Variants in NLRP1 observed in about 807,000 individuals in gnomAD.
NLRP1 encodes NACHT, LRR and PYD domains-containing protein 1.
A neutral mutation model predicts 136.7 loss-of-function variants in NLRP1; 94 were observed. The observed-to-expected ratio is 0.69, with a 90% CI of 0.58 to 0.82. NLRP1 has a LOEUF of 0.82. Among genes scored for constraint, NLRP1 ranks in the 40% least tolerant of loss-of-function variants. The pLI, the probability that NLRP1 is intolerant of heterozygous loss-of-function variation, is 0.00. For synonymous variants in NLRP1, 690 were observed against 725.1 expected, an observed-to-expected ratio of 0.95 and a Z score of 0.78; for missense variants, 1,575 against 1,802.7, an observed-to-expected ratio of 0.87 and a Z score of 2.29.
chr17:5,517,840 C>T lies in NLRP1; in HGVS notation c.3963G>A (p.Ser1321=), dbSNP rs776467398. Residue 1321 remains serine (S), a synonymous_variant, in exon 15 of 17, where the codon TCG becomes TCA. Transcript: ENST00000572272. ...YRSPGEDQLF[S]EFYVGHLGSG... The stretch of plus-strand genomic sequence containing the variant: ...ATCCCAAGTGGCCAACGTAGAACTC[C>T]GAGAACAGCTGGTCTTCTCCAGGGC... The T allele has an allele frequency of 5.0e-6, 8 of 1,614,046 alleles. No individual in the cohort carries two copies. In the South Asian group the frequency reaches 5.5e-5, roughly 11 times the overall value.
At chr17:5,565,067 T>C (rs763546453) in intron 3 of NLRP1, among the ~76,000 whole-genome samples, 5 of 152,198 alleles carry the variant, frequency 3.3e-5, no homozygotes, top group Non-Finnish European at 7.3e-5. Context: ...AACTCCAAAC[T>C]GTTCTCCATA....
At chr17:5,517,964 C>A in intron 14 of NLRP1, 77 bp from the exon 15 acceptor site, 1 of 1,438,464 alleles carries the variant, frequency 7.0e-7, no homozygotes, top group South Asian at 1.2e-5. Context: ...ACCTTCTTGG[C>A]CCTGCTTGGC....
At chr17:5,532,108 G>T (rs1227038466) in intron 11 of NLRP1, among the ~76,000 whole-genome samples, 1 of 152,142 alleles carries the variant, frequency 6.6e-6, no homozygotes, top group Non-Finnish European at 1.5e-5. Flanking sequence ...TTTTTCACAC[G>T]TGGTGGCATG....
chr17:5,524,000 C>T (rs1297867582), intron 12 of NLRP1, among the ~76,000 whole-genome samples: 1 of 152,142 alleles, frequency 6.6e-6, no homozygotes, highest in Non-Finnish European at 1.5e-5. Flanking sequence ...CTTGGCTCAC[C>T]ACAGCCTCCG....
At chr17:5,580,864 T>C (rs1445598685) in intron 3 of NLRP1, among the ~76,000 whole-genome samples, 2 of 152,206 alleles carry the variant, frequency 1.3e-5, no homozygotes, top group African/African-American at 4.8e-5. Context: ...TTCTTGACTT[T>C]CTGTTTTCCT....
chr17:5,554,210 G>A lies in NLRP1; in HGVS notation c.2358-654C>T, dbSNP rs80296371. 8.0e-3 allele frequency among the ~76,000 whole-genome samples: 1,215 copies of A among 152,302 alleles called. 16 individuals are homozygous for A. Among genetic ancestry groups the A allele is most frequent in the African/African-American group, 0.028 (1,170 of 41,548 alleles). Reference sequence around the variant, plus strand: ...GAGGGTCTGCAGGAGAGGGATGGCTGTGGGGAGTGCCCTAGGAGAGAATAT... The same window carrying A: ...GAGGGTCTGCAGGAGAGGGATGGCTATGGGGAGTGCCCTAGGAGAGAATAT... On this transcript the variant is annotated intron_variant, in intron 4 of 16. Coordinates refer to ENST00000572272, the MANE Select transcript of NLRP1 (RefSeq NM_033004.4).
Position 5,533,984 on chromosome 17 carries a change from G to C in NLRP1, c.2965C>G (p.Pro989Ala). 1.9e-6 allele frequency: 3 copies of C among 1,606,074 alleles called. No individual in the cohort carries two copies. Among genetic ancestry groups the C allele is most frequent in the Non-Finnish European group, 2.6e-6 (3 of 1,172,752 alleles). The change falls in exon 9 of 17, where the codon CCA becomes GCA. Residue 989 changes from proline (P) to alanine (A), a missense_variant. Coordinates refer to ENST00000572272, the MANE Select transcript of NLRP1 (RefSeq NM_033004.4). ...CCCTCAGTAGGGGTCATCACACTTG[G>C]TTTCCTGGACAAAGAATTGTTCATT... ...PQLLIFSRRK[P>A]SVMTPTEGLD...
rs78426041 is a variant in NLRP1 at position 5,522,615 on chromosome 17, C to T, written c.3521-829G>A. Among the ~76,000 whole-genome samples the T allele has an allele frequency of 6.6e-3, 1,008 of 152,306 alleles. 10 individuals are homozygous for T. The highest frequency in any genetic ancestry group is 0.023 in the African/African-American group (970 of 41,556). ...CATGGGGAAGAGGGCATTTCTAGGC[C>T]TGGGGCCTTTGGAGGCTGTGGGAAA... On this transcript the variant is annotated intron_variant, in intron 12 of 16. Transcript: ENST00000572272.
chr17:5,529,669 T>C (rs1021520294), intron 12 of NLRP1, among the ~76,000 whole-genome samples: 4 of 152,118 alleles, frequency 2.6e-5, no homozygotes, highest in African/African-American at 9.7e-5. Flanking sequence ...CCCGGCCTTG[T>C]TTTTTCATTT....
rs538659012 is a variant in NLRP1 at position 5,506,810 on chromosome 17, G to C, written c.4070-4938C>G. ...CCAGCTACTTGGGAGGCTGAGGCAG[G>C]AGAATGGCTTGAGCCCGGGTGGTGG... On this transcript the variant is annotated intron_variant, in intron 15 of 15. Coordinates refer to the NLRP1 transcript ENST00000262467. 9.3e-4 allele frequency among the ~76,000 whole-genome samples: 140 copies of C among 150,876 alleles called. 1 individual carries two copies. Among genetic ancestry groups the C allele is most frequent in the Middle Eastern group, 3.4e-3 (1 of 294 alleles).
chr17:5,573,977 G>A (rs1904720624), intron 3 of NLRP1, among the ~76,000 whole-genome samples: 1 of 152,210 alleles, frequency 6.6e-6, no homozygotes, highest in Admixed American at 6.5e-5. Flanking sequence ...GATGAGTTGA[G>A]AGAAGAAGGC....
chr17:5,554,606 G>A (rs1439515005), intron 4 of NLRP1, among the ~76,000 whole-genome samples: 1 of 152,186 alleles, frequency 6.6e-6, no homozygotes, highest in Non-Finnish European at 1.5e-5. Flanking sequence ...TGCAAAAAGA[G>A]GACAGCAATA....
Position 5,515,054 on chromosome 17 carries a change from A to G in NLRP1, c.4122T>C (p.Asp1374=), listed in dbSNP as rs199776702. The G allele has an allele frequency of 6.3e-5, 102 of 1,614,066 alleles. 1 individual carries two copies. Among genetic ancestry groups the G allele is most frequent in the Non-Finnish European group, 6.8e-6 (8 of 1,179,978 alleles). ...PARIAVPSPL[D]APQLLHFVDQ... ...CCACAAAGTGCAGCAACTGCGGGGC[A>G]TCCAGAGGTGAAGGTACGGCTGGCA... is the stretch of plus-strand genomic sequence containing the variant. Residue 1374 remains aspartate (D), a synonymous_variant, in exon 17 of 17, where the codon GAT becomes GAC. Coordinates refer to ENST00000572272, the MANE Select transcript of NLRP1 (RefSeq NM_033004.4).
chr17:5,509,705 A>G (rs191683827), downstream of NLRP1, among the ~76,000 whole-genome samples: 1 of 152,280 alleles, frequency 6.6e-6, no homozygotes, highest in Admixed American at 6.5e-5. Flanking sequence ...GGGTTTTGCT[A>G]TGTTGGCCAG....
At position 5,539,471 on chromosome 17, in the gene NLRP1, G is replaced by A. The variant is rs772089891; in HGVS notation, c.2814C>T (p.Gly938=). Residue 938 remains glycine (G), a synonymous_variant, in exon 7 of 17, where the codon GGC becomes GGT. Coordinates refer to ENST00000572272, the MANE Select transcript of NLRP1 (RefSeq NM_033004.4). ...DLQQNNLDDV[G]VRLLCEGLRH... ...TGAGCCCCTCACAGAGCAGTCGCACGCCAACGTCATCCAGGTTGTTCTGCT... is the reference window on the plus strand; with the variant it reads ...TGAGCCCCTCACAGAGCAGTCGCACACCAACGTCATCCAGGTTGTTCTGCT... 4.3e-6 allele frequency: 7 copies of A among 1,614,088 alleles called. No homozygotes were observed. The highest frequency in any genetic ancestry group is 1.7e-5 in the Admixed American group (1 of 60,024).
intron 11 of NLRP1, among the ~76,000 whole-genome samples, chr17:5,531,009 T>C (rs946717327): frequency 2.0e-5 from 3 of 152,228 alleles, no homozygotes; most frequent in African/African-American, 7.2e-5. Context: ...GCCTGGGAGC[T>C]GTGAACTGTT....
At chr17:5,517,002 C>T (rs1432593906) in intron 15 of NLRP1, among the ~76,000 whole-genome samples, 2 of 152,122 alleles carry the variant, frequency 1.3e-5, no homozygotes, top group African/African-American at 4.8e-5. Context: ...ATTTGATTTC[C>T]TCTTGCCTAC....
intron 5 of NLRP1, among the ~76,000 whole-genome samples, chr17:5,551,174 A>G (rs34337726): frequency 2.0e-5 from 3 of 152,140 alleles, no homozygotes; most frequent in African/African-American, 4.8e-5. Context: ...CTAAAACTCT[A>G]CTGTGCTCTA....
At chr17:5,579,431 C>G (rs1255891422) in intron 3 of NLRP1, among the ~76,000 whole-genome samples, 1 of 151,996 alleles carries the variant, frequency 6.6e-6, no homozygotes, top group Non-Finnish European at 1.5e-5. Flanking sequence ...ATTTAAAAGT[C>G]AAAAAATAAC....
Sources: gnomAD v4.1 joint callset for allele counts (sites outside exome capture counted in the v4.1 genomes callset) on GRCh38, gnomAD v4.1.1 for gene constraint, MANE v1.5 for transcripts, NCBI Gene and HGNC (gene_info 2026-07-23, HGNC 2026-07-21) for gene names.